The following HIPK2 variants were observed in gnomAD, a reference collection of about 807,000 sequenced individuals.
HIPK2 encodes the protein homeodomain interacting protein kinase 2.
A neutral mutation model predicts 113.7 loss-of-function variants in HIPK2; 27 were observed. That is an observed-to-expected ratio of 0.24 (90% CI 0.17 to 0.33). The LOEUF (loss-of-function observed/expected upper bound fraction) is 0.33. Among genes scored for constraint, HIPK2 ranks in the 10% least tolerant of loss-of-function variants. The probability of loss-of-function intolerance (pLI) is 1.00; values close to 1 mark genes in which losing one functional copy is unlikely to be tolerated. For synonymous variants in HIPK2, 631 were observed against 642.2 expected (o/e 0.98, Z 0.26); for missense variants, 1,257 against 1,588.0 (o/e 0.79, Z 3.54).
intron 1 of HIPK2, among the ~76,000 whole-genome samples, chr7:139,734,237 AAT>A (rs1222822455): frequency 1.3e-5 from 2 of 152,194 alleles, no homozygotes; most frequent in African/African-American, 4.8e-5. Flanking sequence ...TCAGGAGATC[AAT>A]GTGTCAAATG....
At chr7:139,605,019 T>C (rs1799573378) in intron 9 of HIPK2, among the ~76,000 whole-genome samples, 1 of 152,210 alleles carries the variant, frequency 6.6e-6, no homozygotes, top group South Asian at 2.1e-4. Flanking sequence ...CTTCTGAATC[T>C]AAGTTTACAC....
intron 2 of HIPK2, among the ~76,000 whole-genome samples, chr7:139,644,849 T>A (rs565146070): frequency 6.6e-6 from 1 of 152,332 alleles, no homozygotes; most frequent in South Asian, 2.1e-4. Context: ...TGTTACCCAC[T>A]TATAGTGATC....
At chr7:139,681,222 A>C (rs1802688683) in intron 2 of HIPK2, among the ~76,000 whole-genome samples, 1 of 152,172 alleles carries the variant, frequency 6.6e-6, no homozygotes, top group Admixed American at 6.5e-5. Flanking sequence ...TAAACTTGTG[A>C]AGTTTTCCCT....
chr7:139,633,639 C>A (rs1800698626), intron 2 of HIPK2, among the ~76,000 whole-genome samples: 1 of 148,644 alleles, frequency 6.7e-6, no homozygotes, highest in Non-Finnish European at 1.5e-5. Flanking sequence ...GAGTGAGACC[C>A]TGTTTCTTAA....
chr7:139,772,943 T>C, intron 1 of HIPK2, among the ~76,000 whole-genome samples: 1 of 142,880 alleles, frequency 7.0e-6, no homozygotes, highest in Non-Finnish European at 1.5e-5. Flanking sequence ...GAACTGCCAC[T>C]AAAAAAAAAA....
intron 1 of HIPK2, among the ~76,000 whole-genome samples, chr7:139,755,573 C>T (rs1362762910): frequency 6.6e-6 from 1 of 152,242 alleles, no homozygotes; most frequent in Non-Finnish European, 1.5e-5. Flanking sequence ...TTTTTCCCTG[C>T]TTCTTCCTTT....
chr7:139,631,016 A>G lies in HIPK2; in HGVS notation c.1347+149T>C. 2.8e-6 allele frequency: 3 copies of G among 1,065,368 alleles called. No homozygotes were observed. Among genetic ancestry groups the G allele is most frequent in the Non-Finnish European group, 3.9e-6 (3 of 763,306 alleles). 66.0% of individuals were successfully genotyped at this position (1,065,368 alleles called of 1,614,324 possible). ...CCAAGGGAAAGAGGGGCTTCTGAGC[A>G]TTCAGATTCAGCCATACCATGTATT... On this transcript the variant is annotated intron_variant, in intron 4 of 14. Transcript: ENST00000406875. The surrounding 1 kb of genome is among the most constrained non-coding windows in gnomAD (Gnocchi z 4.9).
chr7:139,754,512 A>G (rs1796333408), intron 1 of HIPK2, among the ~76,000 whole-genome samples: 1 of 152,252 alleles, frequency 6.6e-6, no homozygotes, highest in Non-Finnish European at 1.5e-5. Context: ...GTTAGAATAT[A>G]GATACATGTA....
At chr7:139,685,421 C>T (rs1156453196) in intron 2 of HIPK2, among the ~76,000 whole-genome samples, 1 of 152,156 alleles carries the variant, frequency 6.6e-6, no homozygotes, top group Non-Finnish European at 1.5e-5. Flanking sequence ...CCTCAGCTTC[C>T]CAAAGTGCTG....
intron 7 of HIPK2, among the ~76,000 whole-genome samples, chr7:139,615,479 A>C (rs1800006685): frequency 6.6e-6 from 1 of 152,240 alleles, no homozygotes; most frequent in Non-Finnish European, 1.5e-5. Context: ...ACATCACTTG[A>C]GACTGAACTT....
intron 1 of HIPK2, among the ~76,000 whole-genome samples, chr7:139,749,566 G>A (rs1796245966): frequency 6.6e-6 from 1 of 152,224 alleles, no homozygotes; most frequent in African/African-American, 2.4e-5. Flanking sequence ...GGCCATCACT[G>A]TGTTAACTAG....
At chr7:139,713,882 ACT>A (rs1380283608) in intron 2 of HIPK2, among the ~76,000 whole-genome samples, 4 of 152,266 alleles carry the variant, frequency 2.6e-5, no homozygotes, top group South Asian at 4.1e-4. Context: ...AGGCCCAGGC[ACT>A]CTCTACAGAG....
Position 139,573,045 on chromosome 7 carries a change from G to A in HIPK2, c.3479C>T (p.Pro1160Leu). 1 of 1,612,464 alleles carries A rather than the reference G, an allele frequency of 6.2e-7. No individual in the cohort carries two copies. Among genetic ancestry groups the A allele is most frequent in the Non-Finnish European group, 8.5e-7 (1 of 1,179,364 alleles). ...GGCAAATTGGGCTGGATACTGACTCGGGTGGATGGTGGGCGAGGGCAGGAC... is the reference window on the plus strand; with the variant it reads ...GGCAAATTGGGCTGGATACTGACTCAGGTGGATGGTGGGCGAGGGCAGGAC... ...PRVLPSPTIH[P>L]SQYPAQFAHQ... Residue 1160 changes from proline (P) to leucine (L), a missense_variant, in exon 15 of 15, where the codon CCG (proline) becomes CTG (leucine). Physicochemically the swap from Pro to Leu is moderately conservative, Grantham distance 98. This residue lies in a region of HIPK2 where 862 missense variants were observed against 1,004.3 expected (regional missense o/e 0.86). Coordinates refer to ENST00000406875, the MANE Select transcript of HIPK2 (RefSeq NM_022740.5).
intron 12 of HIPK2, among the ~76,000 whole-genome samples, chr7:139,596,067 G>A (rs1459630623): frequency 6.6e-6 from 1 of 152,194 alleles, no homozygotes; most frequent in Non-Finnish European, 1.5e-5. Flanking sequence ...TGAGCTGAGT[G>A]GCCCAAACAA....
chr7:139,634,204 G>A (rs1021968729), intron 2 of HIPK2, among the ~76,000 whole-genome samples: 7 of 152,104 alleles, frequency 4.6e-5, no homozygotes, highest in South Asian at 2.1e-4. Flanking sequence ...CACACTTGCC[G>A]GTCTGGGCAG....
intron 6 of HIPK2, 25 bp downstream of exon 6, chr7:139,626,576 A>ACTT (rs751348869): frequency 6.0e-5 from 96 of 1,603,880 alleles, no homozygotes; most frequent in Non-Finnish European, 7.8e-5. Flanking sequence ...GATCCCTGGT[A>ACTT]CGAAGCATCA....
chr7:139,689,231 A>G lies in HIPK2; in HGVS notation c.1103+26701T>C, dbSNP rs186070507. On this transcript the variant is annotated intron_variant, in intron 2 of 14. Coordinates refer to ENST00000406875, the MANE Select transcript of HIPK2 (RefSeq NM_022740.5). ...GGGAAAACTGCTATCGGGAAAACTT[A>G]GAAGTCAGGAAATGCAATCAGAGAA... 2.0e-5 allele frequency among the ~76,000 whole-genome samples: 3 copies of G among 152,298 alleles called. No individual in the cohort carries two copies. In the East Asian group the frequency reaches 5.8e-4, roughly 29 times the overall value.
chr7:139,669,568 A>C (rs1411716058), intron 2 of HIPK2, among the ~76,000 whole-genome samples: 1 of 149,462 alleles, frequency 6.7e-6, no homozygotes, highest in East Asian at 2.0e-4. Context: ...AATAGAGATG[A>C]GCATGAGACC....
Position 139,650,328 on chromosome 7 carries a change from C to T in HIPK2, c.1104-18603G>A, listed in dbSNP as rs190611609. Among the ~76,000 whole-genome samples the T allele has an allele frequency of 3.5e-3, 423 of 122,122 alleles. 2 individuals are homozygous for T. The highest frequency in any genetic ancestry group is 6.5e-3 in the Admixed American group (63 of 9,716). 80.1% of individuals were successfully genotyped at this position (122,122 alleles called of 152,430 possible). On this transcript the variant is annotated intron_variant, in intron 2 of 14. Coordinates refer to ENST00000406875, the MANE Select transcript of HIPK2 (RefSeq NM_022740.5). ...TTGTGCCACTGCACTCCAGCCTGGG[C>T]GACAGAGCAAGACTCCATCTCAAAA...
Sources: gnomAD v4.1 joint callset for allele counts (sites outside exome capture counted in the v4.1 genomes callset) on GRCh38, gnomAD v4.1.1 for gene constraint, gnomAD v4.1.1 regional missense constraint, Gnocchi (gnomAD v3.1) non-coding constraint, MANE v1.5 for transcripts, NCBI Gene and HGNC (gene_info 2026-07-23, HGNC 2026-07-21) for gene names.